Variants in LAMA2 observed in about 807,000 individuals in gnomAD.
The protein encoded by LAMA2 is laminin subunit alpha-2.
A neutral mutation model predicts 364.8 loss-of-function variants in LAMA2; 269 were observed. The ratio of observed to expected loss-of-function variants is 0.74; its 90% CI spans 0.67 to 0.82. The LOEUF is 0.82. LAMA2 is among the 40% of genes least tolerant of loss of function. LAMA2 has a pLI of 0.00. For missense variants in LAMA2, 3,807 were observed against 3,873.2 expected (o/e 0.98, Z 0.45); for synonymous variants, 1,379 against 1,370.6 (o/e 1.01, Z -0.14).
intron 1 of LAMA2, among the ~76,000 whole-genome samples, chr6:129,026,772 A>G (rs1785854052): frequency 2.0e-5 from 3 of 152,168 alleles, no homozygotes; most frequent in South Asian, 2.1e-4. Context: ...GGGCAAATAT[A>G]GAATAGCATC....
intron 1 of LAMA2, among the ~76,000 whole-genome samples, chr6:128,913,306 G>A (rs1028046633): frequency 1.3e-5 from 2 of 151,998 alleles, no homozygotes; most frequent in African/African-American, 4.8e-5. Context: ...GATTAATTTA[G>A]CCCATGAAAA....
intron 27 of LAMA2, among the ~76,000 whole-genome samples, chr6:129,319,858 C>T (rs1774843244): frequency 6.6e-6 from 1 of 152,080 alleles, no homozygotes; most frequent in Non-Finnish European, 1.5e-5. Context: ...AAGGGCTGGG[C>T]TCAGTGGCTC....
intron 1 of LAMA2, among the ~76,000 whole-genome samples, chr6:129,005,128 CT>C (rs556654623): frequency 1.3e-5 from 2 of 150,872 alleles, no homozygotes; most frequent in African/African-American, 4.8e-5. Context: ...TTACTGTCCT[CT>C]TTTTTTTTCT....
At chr6:129,200,484 A>G (rs534220160) in intron 12 of LAMA2, among the ~76,000 whole-genome samples, 25 of 150,848 alleles carry the variant, frequency 1.7e-4, no homozygotes, top group Non-Finnish European at 3.1e-4. Context: ...ATGTATATAT[A>G]TGTGTATGTA....
At chr6:129,156,523 C>CTT (rs199731028) in intron 8 of LAMA2, among the ~76,000 whole-genome samples, 3,840 of 136,276 alleles carry the variant, frequency 0.028, 118 homozygotes, top group East Asian at 0.15. Context: ...TCCTTAATTT[C>CTT]TTTTTTTTTT....
chr6:129,137,401 T>C (rs1212131724), intron 4 of LAMA2, among the ~76,000 whole-genome samples: 1 of 152,096 alleles, frequency 6.6e-6, no homozygotes, highest in African/African-American at 2.4e-5. Context: ...TATTTTTCTT[T>C]TTGTGATAAA....
intron 6 of LAMA2, among the ~76,000 whole-genome samples, chr6:129,147,320 A>G (rs1182324669): frequency 7.1e-6 from 1 of 140,464 alleles, no homozygotes; most frequent in African/African-American, 2.8e-5. Context: ...AAATCTCTCT[A>G]GCTATGACAG....
chr6:128,912,061 GT>G (rs1778004516), intron 1 of LAMA2, among the ~76,000 whole-genome samples: 1 of 152,138 alleles, frequency 6.6e-6, no homozygotes, highest in Non-Finnish European at 1.5e-5. Context: ...CATTAAGACT[GT>G]TTCCAGTTTT....
At chr6:129,098,505 G>C (rs746181857) in intron 4 of LAMA2, 90 bp downstream of exon 4, 1 of 1,437,836 alleles carries the variant, frequency 7.0e-7, no homozygotes, top group Non-Finnish European at 9.7e-7. Context: ...ATTAATGTCA[G>C]GGAGATTTTA....
intron 3 of LAMA2, among the ~76,000 whole-genome samples, chr6:129,066,026 G>A (rs1789276527): frequency 1.0e-5 from 1 of 99,838 alleles, no homozygotes; most frequent in Non-Finnish European, 2.1e-5. Flanking sequence ...TTTGTAAATT[G>A]CCCAGTCTCA....
intron 32 of LAMA2, among the ~76,000 whole-genome samples, chr6:129,362,580 A>G (rs1183456559): frequency 6.6e-6 from 1 of 152,252 alleles, no homozygotes; most frequent in Non-Finnish European, 1.5e-5. Flanking sequence ...ACAAATATTT[A>G]CTGAATATTA....
intron 1 of LAMA2, among the ~76,000 whole-genome samples, chr6:128,942,898 G>T (rs558185454): frequency 3.3e-5 from 5 of 152,270 alleles, no homozygotes; most frequent in African/African-American, 4.8e-5. Context: ...TTGAGAGCCT[G>T]TGGGCAGTGT....
At chr6:129,419,718 C>T (rs1406443099) in intron 40 of LAMA2, among the ~76,000 whole-genome samples, 1 of 152,098 alleles carries the variant, frequency 6.6e-6, no homozygotes, top group Non-Finnish European at 1.5e-5. Flanking sequence ...CCTATTTTAT[C>T]ACTGAGTCTC....
At chr6:129,292,109 G>A (rs113160498) in intron 20 of LAMA2, among the ~76,000 whole-genome samples, 4,688 of 152,274 alleles carry the variant, frequency 0.031, 198 homozygotes, top group African/African-American at 0.1. Flanking sequence ...CACTTTGGGA[G>A]GCCAAGGCAG....
intron 29 of LAMA2, among the ~76,000 whole-genome samples, chr6:129,332,501 A>C (rs978828631): frequency 1.3e-5 from 2 of 152,086 alleles, no homozygotes; most frequent in African/African-American, 4.8e-5. Flanking sequence ...GCACTATTTT[A>C]ATCTCTTCCA....
intron 3 of LAMA2, among the ~76,000 whole-genome samples, chr6:129,066,014 C>G (rs1024106158): frequency 1.7e-5 from 2 of 117,828 alleles, no homozygotes; most frequent in African/African-American, 6.8e-5. Flanking sequence ...AAACCTCTTT[C>G]TTTTGTAAAT....
intron 1 of LAMA2, among the ~76,000 whole-genome samples, chr6:129,028,303 G>T (rs1785975134): frequency 6.6e-6 from 1 of 150,732 alleles, no homozygotes; most frequent in South Asian, 2.1e-4. Flanking sequence ...TTGTATTCTT[G>T]CATTAATTAA....
At chr6:128,967,952 C>T (rs565984456) in intron 1 of LAMA2, among the ~76,000 whole-genome samples, 2 of 152,254 alleles carry the variant, frequency 1.3e-5, no homozygotes, top group African/African-American at 4.8e-5. Context: ...GATCACAGAC[C>T]TAGTGCCTGC....
intron 40 of LAMA2, among the ~76,000 whole-genome samples, chr6:129,415,724 T>C (rs1438535158): frequency 6.6e-6 from 1 of 151,932 alleles, no homozygotes; most frequent in Admixed American, 6.6e-5. Flanking sequence ...CACATGCCTG[T>C]AATCCAGGCT....
Sources: allele counts gnomAD v4.1 joint callset (sites outside exome capture counted in the v4.1 genomes callset), GRCh38; gene constraint gnomAD v4.1.1; transcripts MANE v1.5; gene names NCBI Gene and HGNC (gene_info 2026-07-23, HGNC 2026-07-21).